TRAP1: variants seen among roughly 807,000 people sequenced by gnomAD.
TRAP1 encodes the protein TNF receptor associated protein 1.
TRAP1 carries 102 observed loss-of-function variants against 89.1 expected under a neutral mutation model. The ratio of observed to expected loss-of-function variants is 1.15; its 90% CI spans 0.98 to 1.35. The LOEUF is 1.35. Ranked by LOEUF, TRAP1 falls within the 40% of genes most tolerant of loss-of-function variation. The pLI is 0.00. For synonymous variants in TRAP1, 508 were observed against 388.0 expected (o/e 1.31, Z -3.64); for missense variants, 1,256 against 945.3 (o/e 1.33, Z -4.31).
rs1567225866 is a variant in TRAP1, at chr16:3,665,972, T to C, written c.1382A>G (p.Lys461Arg). 1 of 1,612,870 alleles carries C rather than the reference T, an allele frequency of 6.2e-7. No homozygotes were observed. The highest frequency in any genetic ancestry group is 8.5e-7 in the Non-Finnish European group (1 of 1,179,544). The change falls in exon 12 of 18, where the codon AAG (lysine) becomes AGG (arginine). Residue 461 changes from lysine to arginine, a missense_variant and splice_region_variant. Transcript: ENST00000246957. ...AGGCCTGGAACACAGCTCCTATACC[T>C]TGACCTCCTGCTCGGTGGCGGTCAC... ...GIVTATEQEV[K>R]EDIAKLLRYE...
chr16:3,712,583 C>T (rs561934313), intron 1 of TRAP1, among the ~76,000 whole-genome samples: 2 of 152,076 alleles, frequency 1.3e-5, no homozygotes, highest in African/African-American at 2.4e-5. Flanking sequence ...AACCAATAAA[C>T]GCTTTGCTAA....
chr16:3,664,167 A>G (rs752817928), intron 13 of TRAP1, 107 bp downstream of exon 13: 3 of 1,244,102 alleles, frequency 2.4e-6, no homozygotes, highest in Non-Finnish European at 3.2e-6. Flanking sequence ...CCCACTGTGC[A>G]GCCCTGCCCG....
intron 2 of TRAP1, among the ~76,000 whole-genome samples, chr16:3,690,406 G>A (rs561138410): frequency 3.9e-5 from 6 of 152,112 alleles, no homozygotes; most frequent in Non-Finnish European, 7.4e-5. Flanking sequence ...TACTCTTGTC[G>A]ACCCACTTAA....
At chr16:3,707,723 G>A (rs535007240) in intron 1 of TRAP1, among the ~76,000 whole-genome samples, 7 of 151,436 alleles carry the variant, frequency 4.6e-5, no homozygotes, top group East Asian at 2.0e-4. Context: ...GAGTCGCAGC[G>A]GGCATCTGTA....
chr16:3,685,122 A>G (rs956355108), intron 4 of TRAP1, among the ~76,000 whole-genome samples: 4 of 152,216 alleles, frequency 2.6e-5, no homozygotes, highest in African/African-American at 9.6e-5. Flanking sequence ...ACAGGAGGAA[A>G]GCACAGGGCG....
intron 1 of TRAP1, among the ~76,000 whole-genome samples, chr16:3,702,015 C>T (rs1042195957): frequency 6.6e-6 from 1 of 151,926 alleles, no homozygotes; most frequent in African/African-American, 2.4e-5. Context: ...TCGAGACCAG[C>T]GTGGCCAACA....
chr16:3,668,544 A>G (rs1567227205), intron 11 of TRAP1, among the ~76,000 whole-genome samples: 1 of 152,138 alleles, frequency 6.6e-6, no homozygotes, highest in African/African-American at 2.4e-5. Flanking sequence ...TCGAGGAAAA[A>G]CATGTTCTTG....
At chr16:3,672,599 C>T in intron 10 of TRAP1, 101 bp downstream of exon 10, 1 of 1,455,006 alleles carries the variant, frequency 6.9e-7, no homozygotes, top group Non-Finnish European at 9.0e-7. Flanking sequence ...GGTGCTCTCG[C>T]TGCAGAGGGC....
At position 3,662,871 on chromosome 16, in the gene TRAP1, G is replaced by C; in HGVS notation, c.1794+11C>G. ...CGGCCAAGTGGTGGTCCATCCCCGGGAAAGCCTCACCTTCACGTTGGTGAC... is the reference window on the plus strand; with the variant it reads ...CGGCCAAGTGGTGGTCCATCCCCGGCAAAGCCTCACCTTCACGTTGGTGAC... On this transcript the variant is annotated intron_variant, in intron 15 of 17. Transcript: ENST00000246957. The C allele has an allele frequency of 6.2e-7, 1 of 1,613,358 alleles. No homozygotes were observed. Among genetic ancestry groups the C allele is most frequent in the Non-Finnish European group, 8.5e-7 (1 of 1,179,826 alleles).
chr16:3,696,207 C>CCT (rs1474322026), intron 1 of TRAP1, among the ~76,000 whole-genome samples: 1 of 152,074 alleles, frequency 6.6e-6, no homozygotes, highest in African/African-American at 2.4e-5. Flanking sequence ...TTTGTGAATA[C>CCT]CTCTCTCCAA....
rs55766649 is a variant in TRAP1 at position 3,662,962 on chromosome 16, C to A, written c.1714G>T (p.Glu572Ter). The A allele has an allele frequency of 1.9e-6, 3 of 1,608,904 alleles. No homozygotes were observed. The highest frequency in any genetic ancestry group is 4.5e-5 in the East Asian group (2 of 44,854). Residue 572 changes from glutamate to a stop codon, truncating the protein, a stop_gained, in exon 15 of 18, where the codon GAG (glutamate) becomes TAG (stop). Transcript: ENST00000246957. LOFTEE classifies it high-confidence loss of function. ...TCCGTCTCCTTCTCTGATAGGCACT[C>A]GGCGGCTGCGGAAGAGCAGGCGACA... is the stretch of plus-strand genomic sequence containing the variant. ...EKFEDRSPAAECLSEKETEEL... is the reference protein window; with the variant it reads ...EKFEDRSPAA
chr16:3,672,649 C>T (rs375568180), intron 10 of TRAP1, 51 bp downstream of exon 10: 103 of 1,562,536 alleles, frequency 6.6e-5, no homozygotes, highest in Admixed American at 3.5e-4. Flanking sequence ...ACAGATGCAG[C>T]GGGCGACACT....
At chr16:3,671,813 T>C (rs1302794939) in intron 10 of TRAP1, 22 bp from the exon 11 acceptor site, 6 of 1,610,494 alleles carry the variant, frequency 3.7e-6, no homozygotes, top group Non-Finnish European at 4.2e-6. Context: ...GGCAGTCAGC[T>C]TCTCCCGGGG....
chr16:3,682,234 A>C (rs1175848338), intron 4 of TRAP1, among the ~76,000 whole-genome samples: 1 of 152,190 alleles, frequency 6.6e-6, no homozygotes, highest in Middle Eastern at 3.4e-3. Flanking sequence ...TAAATATAAG[A>C]GCTAAAGCTA....
In TRAP1 at chr16:3,710,877, A is replaced by ATTTT. The variant is rs1461150566; in HGVS notation, c.88+6543_88+6544insAAAA. Among the ~76,000 whole-genome samples the ATTTT allele has an allele frequency of 1.9e-4, 18 of 93,596 alleles. No individual in the cohort carries two copies. In the East Asian group the frequency reaches 2.5e-3, roughly 13 times the overall value. 61.4% of individuals were successfully genotyped at this position (93,596 alleles called of 152,430 possible). On this transcript the variant is annotated intron_variant, in intron 1 of 17. Coordinates refer to ENST00000246957, the MANE Select transcript of TRAP1 (RefSeq NM_016292.3). ...TGTGTGTATATATATATATATATAT[A>ATTTT]TATTTTTTTTTTTGAGACACTGTCA...
chr16:3,706,001 C>CTT (rs35811682), intron 1 of TRAP1, among the ~76,000 whole-genome samples: 2 of 141,886 alleles, frequency 1.4e-5, no homozygotes, highest in African/African-American at 2.6e-5. Context: ...CCCTTTTTTT[C>CTT]TTTTTTTTTT....
intron 1 of TRAP1, among the ~76,000 whole-genome samples, chr16:3,708,005 T>C (rs1315864912): frequency 6.6e-6 from 1 of 151,958 alleles, no homozygotes; most frequent in Non-Finnish European, 1.5e-5. Flanking sequence ...GGCAATATAG[T>C]GGGACCCCAT....
At chr16:3,706,217 G>A (rs1036034717) in intron 1 of TRAP1, among the ~76,000 whole-genome samples, 3 of 152,230 alleles carry the variant, frequency 2.0e-5, no homozygotes, top group Admixed American at 6.6e-5. Flanking sequence ...GCCTCCCGAA[G>A]TGCTGAGATT....
chr16:3,695,089 G>C (rs2051268647), intron 1 of TRAP1, among the ~76,000 whole-genome samples: 1 of 152,088 alleles, frequency 6.6e-6, no homozygotes, highest in Non-Finnish European at 1.5e-5. Flanking sequence ...CATTTTATAA[G>C]GACACAGTCA....
Sources: gnomAD v4.1 joint callset for allele counts (sites outside exome capture counted in the v4.1 genomes callset) on GRCh38, gnomAD v4.1.1 for gene constraint, MANE v1.5 for transcripts, NCBI Gene and HGNC (gene_info 2026-07-23, HGNC 2026-07-21) for gene names.